Variants in DISP2 observed in about 807,000 individuals in gnomAD.
DISP2 encodes the protein dispatched RND transporter family member 2, also known as protein dispatched homolog 2.
A neutral mutation model predicts 95.5 loss-of-function variants in DISP2; 59 were observed. The ratio of observed to expected loss-of-function variants is 0.62; its 90% CI spans 0.50 to 0.77. The LOEUF (loss-of-function observed/expected upper bound fraction) is 0.77. DISP2 is among the 30% of genes least tolerant of loss of function. The pLI is 0.00. For synonymous variants in DISP2, 827 were observed against 815.0 expected (o/e 1.01, Z -0.25); for missense variants, 1,752 against 1,854.6 (o/e 0.94, Z 1.02).
Position 40,369,546 on chromosome 15 carries a change from G to A in DISP2, c.3434G>A (p.Gly1145Asp). The change falls in exon 8 of 8, where the codon GGC becomes GAC. Residue 1145 changes from glycine to aspartate, a missense_variant. Gly to Asp is a moderately conservative substitution (Grantham distance 94, BLOSUM62 -1). Around this residue, in one of 5 missense-constraint regions of DISP2, gnomAD observed 347 missense variants for 344.2 expected, o/e 1.01. Coordinates refer to ENST00000267889, the MANE Select transcript of DISP2 (RefSeq NM_033510.3). ...GGGGACCCTGGTGGGGAGAAGGCAG[G>A]CCGCCCACGACCAGGGTCAGTGGGA... ...GTGDPGGEKAGRPRPGSVGGM... is the reference protein window; with the variant it reads ...GTGDPGGEKADRPRPGSVGGM... 1.2e-6 allele frequency: 2 copies of A among 1,612,586 alleles called. No homozygotes were observed. The highest frequency in any genetic ancestry group is 2.2e-5 in the East Asian group (1 of 44,884).
chr15:40,358,340 AGC>A lies in DISP2; in HGVS notation c.20_21del (p.Ser7LysfsTer42). The stretch of plus-strand genomic sequence containing the variant: ...CACGGGCATGGACGGTGACAGCAGC[AGC>A]AGCAGCGGCGGCAGCGGTCCGGCTC... Reference protein sequence around the residue: MDGDSSSSSGGSGPAPG... With the variant: MDGDSSXSSGGSGPAPG... On this transcript the variant is annotated frameshift_variant, in exon 1 of 8. Transcript: ENST00000267889. LOFTEE classifies it high-confidence loss of function. 7.2e-7 allele frequency: 1 copy of A among 1,394,774 alleles called. No homozygotes were observed. Among genetic ancestry groups the A allele is most frequent in the Non-Finnish European group, 9.3e-7 (1 of 1,072,762 alleles). The allele number at this position is 1,394,774 out of a possible 1,614,324, so 86.4% of individuals were successfully genotyped here.
In DISP2 at chr15:40,378,607, A is replaced by AT. The variant is rs1486417812; in HGVS notation, c.*8290dup. On this transcript the variant is annotated 3_prime_UTR_variant, in exon 8 of 8. Transcript: ENST00000267889. ...CTATCATTGTAACTTCCTGTCAATT[A>AT]TAACGATTCCAAAATAAAGAATTTA... 1.3e-5 allele frequency: 2 copies of AT among 152,222 alleles called. No homozygotes were observed. The highest frequency in any genetic ancestry group is 2.9e-5 in the Non-Finnish European group (2 of 68,034). 9.4% of individuals were successfully genotyped at this position (152,222 alleles called of 1,614,324 possible).
At chr15:40,362,558 C>T (rs1889421816) in intron 1 of DISP2, among the ~76,000 whole-genome samples, 1 of 150,996 alleles carries the variant, frequency 6.6e-6, no homozygotes, top group Admixed American at 6.6e-5. Context: ...CCAGCACTCA[C>T]ATTCCACATG....
In DISP2 at chr15:40,369,158, A is replaced by T; in HGVS notation, c.3046A>T (p.Thr1016Ser). 6.2e-7 allele frequency: 1 copy of T among 1,613,810 alleles called. No individual in the cohort carries two copies. Among genetic ancestry groups the T allele is most frequent in the Non-Finnish European group, 8.5e-7 (1 of 1,180,018 alleles). Residue 1016 changes from threonine (T) to serine (S), a missense_variant, in exon 8 of 8, where the codon ACT (threonine) becomes TCT (serine). This residue lies in a region of DISP2 where 317 missense variants were observed against 394.9 expected (regional missense o/e 0.80). Coordinates refer to ENST00000267889, the MANE Select transcript of DISP2 (RefSeq NM_033510.3). ...LLVLLEWQLN[T>S]AEALFLSASV... Reference sequence around the variant, plus strand: ...GGTTCTCCTCGAGTGGCAGCTCAACACTGCCGAGGCCCTGTTTCTCTCTGC... The same window carrying T: ...GGTTCTCCTCGAGTGGCAGCTCAACTCTGCCGAGGCCCTGTTTCTCTCTGC...
rs111694133 is a variant in DISP2, at chr15:40,369,305, G to A, written c.3193G>A (p.Val1065Met). 699 of 1,613,596 alleles carry A rather than the reference G, an allele frequency of 4.3e-4. 2 individuals are homozygous for A. The African/African-American group carries it at 7.2e-3, about 17-fold the overall frequency. The change falls in exon 8 of 8, where the codon GTG becomes ATG. Residue 1065 changes from valine to methionine, a missense_variant. Val to Met is a conservative substitution (Grantham distance 21, BLOSUM62 1). Around this residue, in one of 5 missense-constraint regions of DISP2, gnomAD observed 317 missense variants for 394.9 expected, o/e 0.80. Transcript: ENST00000267889. ...SLRQTSCATA[V>M]GAAALFAAGV... ...GCGCCAGACCAGCTGCGCCACAGCCGTGGGGGCTGCAGCCCTGTTTGCGGC... is the reference window on the plus strand; with the variant it reads ...GCGCCAGACCAGCTGCGCCACAGCCATGGGGGCTGCAGCCCTGTTTGCGGC...
chr15:40,361,421 C>G (rs995843320), intron 1 of DISP2, among the ~76,000 whole-genome samples: 1 of 152,202 alleles, frequency 6.6e-6, no homozygotes, highest in Non-Finnish European at 1.5e-5. Flanking sequence ...CGTGACAGAC[C>G]CTGTGCCAGG....
rs745345275 is a variant in DISP2, at chr15:40,367,400, G to C, written c.1288G>C (p.Val430Leu). The C allele has an allele frequency of 7.4e-6, 12 of 1,613,228 alleles. No homozygotes were observed. Among genetic ancestry groups the C allele is most frequent in the Non-Finnish European group, 8.5e-6 (10 of 1,179,920 alleles). Residue 430 changes from valine to leucine, a missense_variant, in exon 8 of 8, where the codon GTG becomes CTG. Around this residue, in one of 5 missense-constraint regions of DISP2, gnomAD observed 732 missense variants for 714.6 expected, o/e 1.02. Coordinates refer to ENST00000267889, the MANE Select transcript of DISP2 (RefSeq NM_033510.3). ...FLSPQTTDYQ[V>L]PSLKYSLLFL... Reference sequence around the variant, plus strand: ...GAGTCCCCAGACCACTGACTACCAGGTGCCTTCCCTCAAGTACAGCCTGCT... The same window carrying C: ...GAGTCCCCAGACCACTGACTACCAGCTGCCTTCCCTCAAGTACAGCCTGCT...
In DISP2 at chr15:40,369,927, AG is replaced by A. The variant is rs1566917816; in HGVS notation, c.3817del (p.Ala1273ProfsTer28). The stretch of plus-strand genomic sequence containing the variant: ...CCAGAAGCCCCAGCCCACTCTCCTA[AG>A]GCCAAGGCTGCAGATCCTCCTGATG... ...ASPEAPAHSP[K>X]AKAADPPDGF... is the part of the protein sequence containing the mutation. On this transcript the variant is annotated frameshift_variant, in exon 8 of 8. Transcript: ENST00000267889. LOFTEE classifies it high-confidence loss of function. The A allele has an allele frequency of 1.3e-6, 2 of 1,594,230 alleles. No homozygotes were observed. The highest frequency in any genetic ancestry group is 1.7e-6 in the Non-Finnish European group (2 of 1,169,426).
chr15:40,376,966 G>T lies in DISP2; in HGVS notation c.*6648G>T, dbSNP rs1429077082. 1 of 152,200 alleles carries T rather than the reference G, an allele frequency of 6.6e-6. No individual in the cohort carries two copies. Among genetic ancestry groups the T allele is most frequent in the East Asian group, 1.9e-4 (1 of 5,198 alleles). 9.4% of individuals were successfully genotyped at this position (152,200 alleles called of 1,614,324 possible). A position where few individuals can be genotyped will look rare whatever the true frequency, so the allele number is the denominator to read the frequency against. ...CAGAGAGGATAGTCTTTGCAAGTAG[G>T]ATGTATGGTGGACATTTTCCCTAAA... On this transcript the variant is annotated 3_prime_UTR_variant, in exon 8 of 8. Coordinates refer to ENST00000267889, the MANE Select transcript of DISP2 (RefSeq NM_033510.3).
Position 40,364,335 on chromosome 15 carries a change from T to C in DISP2, c.479+80T>C. Reference sequence around the variant, plus strand: ...GCCCTGTTCCCCGTGCTCTCTGCTCTATCTAGCACCCCTTCTGGGTGGAGC... The same window carrying C: ...GCCCTGTTCCCCGTGCTCTCTGCTCCATCTAGCACCCCTTCTGGGTGGAGC... On this transcript the variant is annotated intron_variant, in intron 3 of 7. Coordinates refer to ENST00000267889, the MANE Select transcript of DISP2 (RefSeq NM_033510.3). 3.7e-6 allele frequency: 6 copies of C among 1,613,414 alleles called. No individual in the cohort carries two copies. In the South Asian group the frequency reaches 4.4e-5, roughly 12 times the overall value.
chr15:40,363,599 A>G (rs1372708297), intron 1 of DISP2, 26 bp from the exon 2 acceptor site: 7 of 1,492,748 alleles, frequency 4.7e-6, no homozygotes, highest in East Asian at 4.7e-5. Context: ...CCCCACCCCA[A>G]TCTTCCTTGT....
intron 1 of DISP2, among the ~76,000 whole-genome samples, chr15:40,359,320 A>C (rs1889370936): frequency 6.6e-6 from 1 of 152,258 alleles, no homozygotes; most frequent in Non-Finnish European, 1.5e-5. Context: ...TCGTCTCCAG[A>C]ATACCCCAGT....
intron 1 of DISP2, among the ~76,000 whole-genome samples, chr15:40,363,184 C>T (rs909403068): frequency 6.6e-6 from 1 of 151,324 alleles, no homozygotes; most frequent in Non-Finnish European, 1.5e-5. Flanking sequence ...TGATGGCGGG[C>T]ACCTGTAATC....
chr15:40,358,666 C>T (rs192567139), intron 1 of DISP2, among the ~76,000 whole-genome samples: 7 of 152,248 alleles, frequency 4.6e-5, no homozygotes, highest in African/African-American at 1.7e-4. Context: ...TCGCCCTCCC[C>T]GCTTAGGGAA....
chr15:40,362,277 C>G (rs575959273), intron 1 of DISP2, among the ~76,000 whole-genome samples: 2 of 152,174 alleles, frequency 1.3e-5, no homozygotes, highest in Non-Finnish European at 2.9e-5. Context: ...CCCTGACCAC[C>G]CCACCCCCTG....
Position 40,371,901 on chromosome 15 carries a change from A to G in DISP2, c.*1583A>G, listed in dbSNP as rs892761371. On this transcript the variant is annotated 3_prime_UTR_variant, in exon 8 of 8. Transcript: ENST00000267889. ...CATCGGATGGCTCACGGACGGCACC[A>G]TATGCCTGCCATCATCATTATTGTT... The G allele has an allele frequency of 2.6e-5, 4 of 152,166 alleles. No homozygotes were observed. Among genetic ancestry groups the G allele is most frequent in the African/African-American group, 4.8e-5 (2 of 41,434 alleles). 9.4% of individuals were successfully genotyped at this position (152,166 alleles called of 1,614,324 possible). A position where few individuals can be genotyped will look rare whatever the true frequency, so the allele number is the denominator to read the frequency against.
chr15:40,366,495 G>T lies in DISP2; in HGVS notation c.946-563G>T, dbSNP rs77313697. The stretch of plus-strand genomic sequence containing the variant: ...GGTTACGCAGCCAGTTAGTGGCAGA[G>T]CAAGGGCCTCTGACTCCCAGGTCAG... On this transcript the variant is annotated intron_variant, in intron 7 of 7. Coordinates refer to ENST00000267889, the MANE Select transcript of DISP2 (RefSeq NM_033510.3). 3.6e-3 allele frequency among the ~76,000 whole-genome samples: 552 copies of T among 152,368 alleles called. 1 individual carries two copies. Among genetic ancestry groups the T allele is most frequent in the African/African-American group, 0.013 (538 of 41,572 alleles).
intron 1 of DISP2, among the ~76,000 whole-genome samples, chr15:40,359,416 G>A (rs1889373155): frequency 6.6e-6 from 1 of 152,214 alleles, no homozygotes; most frequent in Non-Finnish European, 1.5e-5. Flanking sequence ...TAACACATTA[G>A]CCTGGATAGA....
Position 40,365,608 on chromosome 15 carries a change from G to A in DISP2, c.848-20G>A. 2 of 1,614,062 alleles carry A rather than the reference G, an allele frequency of 1.2e-6. No homozygotes were observed. Among genetic ancestry groups the A allele is most frequent in the South Asian group, 2.2e-5 (2 of 91,086 alleles). ...CTGGGGCCAAAGGACTGAGCTCCAG[G>A]TTGCGGGGGTATGTTGCAGAGAAGA... is the stretch of plus-strand genomic sequence containing the variant. On this transcript the variant is annotated intron_variant, in intron 6 of 7. Transcript: ENST00000267889.
Sources: allele counts gnomAD v4.1 joint callset (sites outside exome capture counted in the v4.1 genomes callset), GRCh38; gene constraint gnomAD v4.1.1; regional missense constraint gnomAD v4.1.1; transcripts MANE v1.5; gene names NCBI Gene and HGNC (gene_info 2026-07-23, HGNC 2026-07-21).